Variants in PDSS1 observed in about 807,000 individuals in gnomAD.
PDSS1 encodes all trans-polyprenyl-diphosphate synthase PDSS1.
PDSS1 carries 43 observed loss-of-function variants against 57.5 expected under a neutral mutation model. The ratio of observed to expected loss-of-function variants is 0.75; its 90% confidence interval spans 0.59 to 0.96. PDSS1 has a LOEUF of 0.96. Among genes scored for constraint, PDSS1 ranks in the 50% least tolerant of loss-of-function variants. PDSS1 has a pLI of 0.00. For missense variants in PDSS1, 438 were observed against 527.8 expected, an observed-to-expected ratio of 0.83 and a Z score of 1.67; for synonymous variants, 175 against 191.3, an observed-to-expected ratio of 0.91 and a Z score of 0.70.
chr10:26,697,842 T>C lies in PDSS1; in HGVS notation c.129+2T>C. On this transcript the variant is annotated splice_donor_variant, in intron 1 of 11. Transcript: ENST00000376215. LOFTEE classifies it high-confidence loss of function. ...GCCGCTGCCGAAGTCCGCGCGCAGG[T>C]GAGGTTGGGAGGCGCGCGCCCGGCG... 7.5e-7 allele frequency: 1 copy of C among 1,329,524 alleles called. No homozygotes were observed. Among genetic ancestry groups the C allele is most frequent in the South Asian group, 1.9e-5 (1 of 51,402 alleles). The allele number at this position is 1,329,524 out of a possible 1,614,324, so 82.4% of individuals were successfully genotyped here.
At chr10:26,738,282 G>T (rs916936557) in intron 10 of PDSS1, among the ~76,000 whole-genome samples, 2 of 152,202 alleles carry the variant, frequency 1.3e-5, no homozygotes, top group African/African-American at 4.8e-5. Context: ...ACTCCTCTTT[G>T]TGGTAGATAT....
chr10:26,729,361 TTATATGTAATGTAGGTAGA>T (rs1836084930), intron 8 of PDSS1, among the ~76,000 whole-genome samples: 2 of 152,188 alleles, frequency 1.3e-5, no homozygotes, highest in South Asian at 4.1e-4. Flanking sequence ...CATGTATGTA[TTATATGTAATGTAGGTAGA>T]TACGTGTATA....
chr10:26,716,499 C>T (rs1835585716), intron 5 of PDSS1, among the ~76,000 whole-genome samples: 1 of 152,116 alleles, frequency 6.6e-6, no homozygotes, highest in African/African-American at 2.4e-5. Context: ...TGAGACCAGC[C>T]TTGCCAACAT....
rs561494058 is a variant in PDSS1, at chr10:26,720,645, C to T, written c.609+286C>T. ...AAAATGTATTTCATGAGGAATCATACGTTTTACTTTTGGGCTTAGATTACC... is the reference window on the plus strand; with the variant it reads ...AAAATGTATTTCATGAGGAATCATATGTTTTACTTTTGGGCTTAGATTACC... On this transcript the variant is annotated intron_variant, in intron 6 of 11. Coordinates refer to ENST00000376215, the MANE Select transcript of PDSS1 (RefSeq NM_014317.5). Among the ~76,000 whole-genome samples, 15 of 152,154 alleles carry T rather than the reference C, an allele frequency of 9.9e-5. No homozygotes were observed. In the South Asian group the frequency reaches 1.7e-3, roughly 17 times the overall value.
intron 1 of PDSS1, among the ~76,000 whole-genome samples, chr10:26,700,261 C>A (rs935279027): frequency 3.4e-5 from 5 of 148,948 alleles, no homozygotes; most frequent in East Asian, 2.0e-4. Context: ...CCCTCCCCCC[C>A]ACCCCGCTTG....
intron 1 of PDSS1, among the ~76,000 whole-genome samples, chr10:26,700,134 C>T (rs573792296): frequency 9.9e-5 from 15 of 152,016 alleles, no homozygotes; most frequent in Admixed American, 9.8e-4. Context: ...TGCATGTGAT[C>T]GTGCCAAATC....
chr10:26,697,984 C>A, intron 1 of PDSS1, 144 bp downstream of exon 1: 2 of 735,888 alleles, frequency 2.7e-6, no homozygotes, highest in Non-Finnish European at 3.6e-6. Context: ...CGGGGTGGGA[C>A]TCCGGAGCTG....
intron 5 of PDSS1, among the ~76,000 whole-genome samples, chr10:26,710,576 G>T (rs1835387743): frequency 1.1e-5 from 1 of 90,446 alleles, no homozygotes; most frequent in Non-Finnish European, 2.5e-5. Context: ...CTGAACTCAT[G>T]TGATCCACCC....
At chr10:26,715,877 T>A (rs1162113996) in intron 5 of PDSS1, 1 of 152,128 alleles carries the variant, frequency 6.6e-6, no homozygotes, top group Non-Finnish European at 1.5e-5. Context: ...TGTAATTTCT[T>A]CTTCAGTGGC....
intron 8 of PDSS1, among the ~76,000 whole-genome samples, chr10:26,733,621 G>T (rs1836289833): frequency 6.6e-6 from 1 of 152,178 alleles, no homozygotes; most frequent in African/African-American, 2.4e-5. Context: ...GAGGTGCGTG[G>T]ACACTGCCAA....
At position 26,702,791 on chromosome 10, in the gene PDSS1, A is replaced by G. The variant is rs150852469; in HGVS notation, c.162+597A>G. ...CTTGAGCCCAGGAGATTGAGGCTGC[A>G]GTGAGCTATGATTGCACCACTGCAC... On this transcript the variant is annotated intron_variant, in intron 2 of 11. Transcript: ENST00000376215. Among the ~76,000 whole-genome samples the G allele has an allele frequency of 4.9e-4, 74 of 152,360 alleles. 1 individual carries two copies. The highest frequency in any genetic ancestry group is 1.7e-3 in the African/African-American group (72 of 41,582).
intron 11 of PDSS1, 122 bp from the exon 12 acceptor site, chr10:26,746,211 G>A: frequency 9.9e-7 from 1 of 1,008,196 alleles, no homozygotes; most frequent in Non-Finnish European, 1.6e-6. Flanking sequence ...TAGTTTGACT[G>A]TTAACTGTAA....
chr10:26,719,885 T>C (rs537458550), intron 5 of PDSS1, among the ~76,000 whole-genome samples: 12 of 152,332 alleles, frequency 7.9e-5, no homozygotes, highest in Admixed American at 7.8e-4. Context: ...ATTGTAAACT[T>C]ATAAACTTAA....
rs1836663896 is a variant in PDSS1, at chr10:26,742,584, CTG to C, written c.1107+9_1107+10del. 1 of 1,583,212 alleles carries C rather than the reference CTG, an allele frequency of 6.3e-7. No individual in the cohort carries two copies. The highest frequency in any genetic ancestry group is 8.7e-7 in the Non-Finnish European group (1 of 1,152,714). On this transcript the variant is annotated splice_region_variant and intron_variant, in intron 11 of 11. Transcript: ENST00000376215. ...TCGACAGTATGTACTACAGGTAAGA[CTG>C]TTTTTTTAAAAAAAAGGCAGCAGCA...
Position 26,746,383 on chromosome 10 carries a change from A to G in PDSS1, c.1158A>G (p.Glu386=). 1 of 1,614,120 alleles carries G rather than the reference A, an allele frequency of 6.2e-7. No homozygotes were observed. The highest frequency in any genetic ancestry group is 8.5e-7 in the Non-Finnish European group (1 of 1,179,968). The stretch of plus-strand genomic sequence containing the variant: ...ACCTCGCCCAGCAGTACTGCCATGA[A>G]GCAATAAGAGAGATCAGTAAACTTC... The part of the protein sequence containing the change: ...TTYLAQQYCH[E]AIREISKLRP... Residue 386 remains glutamate, a synonymous_variant, in exon 12 of 12, where the codon GAA becomes GAG. Transcript: ENST00000376215.
At chr10:26,708,694 C>T (rs896896029) in intron 4 of PDSS1, among the ~76,000 whole-genome samples, 1 of 152,236 alleles carries the variant, frequency 6.6e-6, no homozygotes, top group African/African-American at 2.4e-5. Flanking sequence ...GTTTCTTCTC[C>T]TTGGCTGTGG....
chr10:26,723,714 C>T (rs1176884225), intron 6 of PDSS1, 92 bp from the exon 7 acceptor site: 2 of 867,808 alleles, frequency 2.3e-6, no homozygotes, highest in Admixed American at 1.7e-5. Flanking sequence ...GCCCCCACTT[C>T]CACGAAGCTC....
Position 26,740,950 on chromosome 10 carries a change from C to CT in PDSS1, c.1027-1541dup, listed in dbSNP as rs1836577717. The CT allele has an allele frequency of 4.7e-5, 11 of 236,366 alleles. No homozygotes were observed. The South Asian group carries it at 4.8e-4, about 10-fold the overall frequency. 14.6% of individuals were successfully genotyped at this position (236,366 alleles called of 1,614,324 possible). On this transcript the variant is annotated intron_variant, in intron 10 of 11. Transcript: ENST00000376215. ...AGAATATCGATTTTACCTTCAGTTC[C>CT]TTTTTTACCTATTTTTTCTCTCTCT...
chr10:26,738,806 T>C (rs573204810), intron 10 of PDSS1, among the ~76,000 whole-genome samples: 1 of 152,182 alleles, frequency 6.6e-6, no homozygotes, highest in Non-Finnish European at 1.5e-5. Flanking sequence ...AACATCTCTC[T>C]TAAGGGGTTT....
Sources: gnomAD v4.1 joint callset for allele counts (sites outside exome capture counted in the v4.1 genomes callset) on GRCh38, gnomAD v4.1.1 for gene constraint, MANE v1.5 for transcripts, NCBI Gene and HGNC (gene_info 2026-07-23, HGNC 2026-07-21) for gene names.